The following EPG5 variants were observed in gnomAD, a reference collection of about 807,000 sequenced individuals.
EPG5 encodes the protein ectopic P granules protein 5 homolog.
In EPG5, 159 loss-of-function variants were observed where a neutral mutation model predicts 302.7. The observed-to-expected ratio is 0.53, with a 90% CI of 0.46 to 0.60. EPG5 has a LOEUF of 0.60. Among genes scored for constraint, EPG5 ranks in the 20% least tolerant of loss-of-function variants. EPG5 has a pLI of 0.00. For synonymous variants in EPG5, 1,158 were observed against 1,136.8 expected (o/e 1.02, Z -0.37); for missense variants, 2,896 against 3,092.4 (o/e 0.94, Z 1.51).
At chr18:45,832,904 C>G in the EPG5 span, among the ~76,000 whole-genome samples, 1 of 152,180 alleles carries the variant, frequency 6.6e-6, no homozygotes. Flanking sequence ...ATCCAAAGGT[C>G]TCTGTGTAAG....
chr18:45,903,602 T>C (rs1405530224), intron 25 of EPG5, among the ~76,000 whole-genome samples: 2 of 152,224 alleles, frequency 1.3e-5, no homozygotes, highest in East Asian at 3.8e-4. Flanking sequence ...CTTTATAGGT[T>C]AAATGGGCTT....
the EPG5 span, among the ~76,000 whole-genome samples, chr18:45,826,092 C>A: frequency 6.6e-6 from 1 of 152,136 alleles, no homozygotes; most frequent in African/African-American, 2.4e-5. Flanking sequence ...ACAGAGAGGA[C>A]ATCACAGGCT....
intron 16 of EPG5, 115 bp from the exon 17 acceptor site, chr18:45,917,934 G>A (rs1555675021): frequency 2.1e-6 from 2 of 961,376 alleles, no homozygotes; most frequent in Non-Finnish European, 3.1e-6. Flanking sequence ...TCCAACACAT[G>A]TTTTATACCC....
chr18:45,878,508 C>T, intron 33 of EPG5, 60 bp from the exon 34 acceptor site: 2 of 1,052,030 alleles, frequency 1.9e-6, no homozygotes, highest in Non-Finnish European at 2.9e-6. Context: ...TATCACTGCT[C>T]ACATTATATA....
chr18:45,928,735 A>G, intron 13 of EPG5, 134 bp downstream of exon 13: 1 of 729,550 alleles, frequency 1.4e-6, no homozygotes, highest in Non-Finnish European at 2.1e-6. Flanking sequence ...AGGCTGGCAC[A>G]GTAAATGTTA....
intron 11 of EPG5, 59 bp from the exon 12 acceptor site, chr18:45,930,889 C>T: frequency 7.0e-7 from 1 of 1,426,556 alleles, no homozygotes; most frequent in Middle Eastern, 1.8e-4. Flanking sequence ...ATCTTTTAAT[C>T]ACTCTTCCAG....
chr18:45,920,833 C>G (rs2050139512), intron 16 of EPG5, among the ~76,000 whole-genome samples: 2 of 152,186 alleles, frequency 1.3e-5, no homozygotes, highest in Non-Finnish European at 1.5e-5. Flanking sequence ...CGACAGATGT[C>G]TTGTCTAATT....
At chr18:45,837,013 CTG>C in the EPG5 span, 1 of 1,265,266 alleles carries the variant, frequency 7.9e-7, no homozygotes, top group Non-Finnish European at 1.2e-6. Flanking sequence ...CCGGGGTTAA[CTG>C]TGTTTATCTG....
chr18:45,868,986 A>G (rs996817052), intron 36 of EPG5, among the ~76,000 whole-genome samples: 5 of 151,046 alleles, frequency 3.3e-5, no homozygotes, highest in Admixed American at 1.3e-4. Flanking sequence ...ACCTGGAAGG[A>G]GGAGCTTGCA....
chr18:45,858,480 T>C (rs2048563557), intron 41 of EPG5, 86 bp downstream of exon 41: 2 of 999,794 alleles, frequency 2.0e-6, no homozygotes, highest in African/African-American at 3.2e-5. Context: ...CTCTTGGTTC[T>C]GTGTACTTAA....
intron 16 of EPG5, among the ~76,000 whole-genome samples, chr18:45,921,612 C>G (rs1869618805): frequency 6.6e-6 from 1 of 152,114 alleles, no homozygotes. Context: ...GTGATAAATG[C>G]TCCAGTAGAA....
intron 26 of EPG5, 43 bp from the exon 27 acceptor site, chr18:45,899,609 G>T (rs914042454): frequency 1.2e-6 from 2 of 1,606,232 alleles, no homozygotes; most frequent in African/African-American, 2.7e-5. Flanking sequence ...CTTAGGAAAG[G>T]TTATATGATA....
At chr18:45,933,738 T>C (rs530792544) in intron 11 of EPG5, among the ~76,000 whole-genome samples, 10 of 152,016 alleles carry the variant, frequency 6.6e-5, no homozygotes, top group South Asian at 2.1e-4. Context: ...TTGCAAACAG[T>C]AGAGGCCCAA....
intron 10 of EPG5, among the ~76,000 whole-genome samples, chr18:45,935,722 G>A (rs2050508867): frequency 6.6e-6 from 1 of 152,070 alleles, no homozygotes; most frequent in South Asian, 2.1e-4. Flanking sequence ...TGGGTGGGAG[G>A]AAAATCGAAA....
Position 45,931,871 on chromosome 18 carries a change from A to T in EPG5, c.2258-1041T>A, listed in dbSNP as rs1286186205. ...AATAATAAAATTAAATTAAATATAT[A>T]CATATATATATATATCCTTGATGGA... On this transcript the variant is annotated intron_variant, in intron 11 of 43. Transcript: ENST00000282041. Among the ~76,000 whole-genome samples the T allele has an allele frequency of 2.0e-5, 3 of 150,752 alleles. 1 individual carries two copies. The highest frequency in any genetic ancestry group is 2.0e-4 in the Admixed American group (3 of 15,102).
At position 45,883,015 on chromosome 18, in the gene EPG5, A is replaced by C. The variant is rs563466441; in HGVS notation, c.5305-528T>G. 2.7e-3 allele frequency among the ~76,000 whole-genome samples: 404 copies of C among 150,512 alleles called. 2 individuals are homozygous for C. Among genetic ancestry groups the C allele is most frequent in the South Asian group, 4.8e-3 (23 of 4,784 alleles). ...AGAGCGAAACTGCGTCTCACAACAA[A>C]AAAAAAAAAAAAAAAAGTAGTTCAC... On this transcript the variant is annotated intron_variant, in intron 30 of 43. Coordinates refer to ENST00000282041, the MANE Select transcript of EPG5 (RefSeq NM_020964.3).
At position 45,922,586 on chromosome 18, in the gene EPG5, G is replaced by A; in HGVS notation, c.2853C>T (p.Ala951=). The part of the protein sequence containing the change: ...SESMKQVSYL[A]SIVRYGETPE... Reference sequence around the variant, plus strand: ...GTGTCTCTCCATATCGAACAATACTGGCCAAATATGAAACCTAAAACAATT... The same window carrying A: ...GTGTCTCTCCATATCGAACAATACTAGCCAAATATGAAACCTAAAACAATT... The change falls in exon 16 of 44, where the codon GCC becomes GCT. Residue 951 remains alanine (A), a synonymous_variant. Coordinates refer to ENST00000282041, the MANE Select transcript of EPG5 (RefSeq NM_020964.3). 1 of 1,613,754 alleles carries A rather than the reference G, an allele frequency of 6.2e-7. No individual in the cohort carries two copies. The highest frequency in any genetic ancestry group is 8.5e-7 in the Non-Finnish European group (1 of 1,179,856).
At chr18:45,953,726 A>G in intron 2 of EPG5, 1 of 985,260 alleles carries the variant, frequency 1.0e-6, no homozygotes, top group Non-Finnish European at 1.2e-6. Flanking sequence ...CATTGCTTAT[A>G]GTTAAGAAGG....
the EPG5 span, among the ~76,000 whole-genome samples, chr18:45,800,811 G>A: frequency 6.6e-6 from 1 of 152,130 alleles, no homozygotes; most frequent in South Asian, 2.1e-4. Context: ...CTGCATCTGA[G>A]ATCAAACGAT....
Sources: gnomAD v4.1 joint callset for allele counts (sites outside exome capture counted in the v4.1 genomes callset) on GRCh38, gnomAD v4.1.1 for gene constraint, MANE v1.5 for transcripts, NCBI Gene and HGNC (gene_info 2026-07-23, HGNC 2026-07-21) for gene names.